WDR70: variants seen among roughly 807,000 people sequenced by gnomAD.
WDR70 encodes WD repeat domain 70, also known as WD repeat-containing protein 70.
WDR70 carries 53 observed loss-of-function variants against 88.6 expected under a neutral mutation model. The ratio of observed to expected loss-of-function variants is 0.60; its 90% confidence interval spans 0.48 to 0.75. The LOEUF is 0.75. WDR70 is among the 30% of genes least tolerant of loss of function. The pLI is 0.00. For missense variants in WDR70, 610 were observed against 823.2 expected, an observed-to-expected ratio of 0.74 and a Z score of 3.17; for synonymous variants, 280 against 270.0, an observed-to-expected ratio of 1.04 and a Z score of -0.36.
chr5:37,610,945 T>C (rs1387351275), intron 10 of WDR70, among the ~76,000 whole-genome samples: 1 of 152,156 alleles, frequency 6.6e-6, no homozygotes, highest in Admixed American at 6.5e-5. Flanking sequence ...CCCAAAACAG[T>C]CTTGAATCTT....
intron 8 of WDR70, among the ~76,000 whole-genome samples, chr5:37,504,143 T>G (rs1487077963): frequency 6.6e-6 from 1 of 152,220 alleles, no homozygotes; most frequent in Non-Finnish European, 1.5e-5. Context: ...TTTTGTCATA[T>G]GATTGATTAG....
chr5:37,427,827 C>T (rs1276806326), intron 5 of WDR70, among the ~76,000 whole-genome samples: 1 of 152,192 alleles, frequency 6.6e-6, no homozygotes, highest in Non-Finnish European at 1.5e-5. Context: ...TGAGATCGTG[C>T]CACTGCACTC....
At chr5:37,720,018 G>A (rs901366796) in intron 13 of WDR70, among the ~76,000 whole-genome samples, 6 of 151,518 alleles carry the variant, frequency 4.0e-5, no homozygotes, top group African/African-American at 1.5e-4. Context: ...GGGAATCAAT[G>A]TTCTATCAAA....
At chr5:37,728,651 G>A (rs1297422795) in intron 17 of WDR70, among the ~76,000 whole-genome samples, 1 of 152,122 alleles carries the variant, frequency 6.6e-6, no homozygotes. Flanking sequence ...CTCAGTGGAT[G>A]TCTTATTACT....
At position 37,516,497 on chromosome 5, in the gene WDR70, T is replaced by C; in HGVS notation, c.841-17T>C. The C allele has an allele frequency of 6.5e-7, 1 of 1,532,902 alleles. No homozygotes were observed. The highest frequency in any genetic ancestry group is 1.7e-5 in the Admixed American group (1 of 57,302). 95.0% of individuals were successfully genotyped at this position (1,532,902 alleles called of 1,614,324 possible). A position where few individuals can be genotyped will look rare whatever the true frequency, so the allele number is the denominator to read the frequency against. ...TTTTTAAAACATCTTTTTTTCCCCT[T>C]TGTCTTTATTTTTAAGGGTCATACA... On this transcript the variant is annotated splice_polypyrimidine_tract_variant and intron_variant, in intron 8 of 17. Coordinates refer to ENST00000265107, the MANE Select transcript of WDR70 (RefSeq NM_018034.4).
intron 8 of WDR70, among the ~76,000 whole-genome samples, chr5:37,484,000 G>C (rs1278501315): frequency 2.0e-5 from 3 of 151,428 alleles, no homozygotes; most frequent in East Asian, 2.0e-4. Context: ...GACGATGGGC[G>C]GCCGGGCAGA....
At chr5:37,672,141 T>C (rs900137140) in intron 10 of WDR70, among the ~76,000 whole-genome samples, 2 of 152,124 alleles carry the variant, frequency 1.3e-5, no homozygotes, top group African/African-American at 4.8e-5. Context: ...GTAAAAGTCA[T>C]TGCCATTCTC....
intron 10 of WDR70, among the ~76,000 whole-genome samples, chr5:37,641,507 C>T (rs903891981): frequency 2.7e-5 from 4 of 148,646 alleles, no homozygotes; most frequent in African/African-American, 7.5e-5. Flanking sequence ...ACCTCTGCCT[C>T]ATGGGTTCAA....
intron 7 of WDR70, among the ~76,000 whole-genome samples, chr5:37,444,495 C>T (rs1381627797): frequency 6.6e-6 from 1 of 151,934 alleles, no homozygotes; most frequent in Non-Finnish European, 1.5e-5. Flanking sequence ...TGTGCACCAC[C>T]ATGCCTGGCT....
At chr5:37,585,325 A>AT (rs1743335918) in intron 9 of WDR70, among the ~76,000 whole-genome samples, 1 of 151,986 alleles carries the variant, frequency 6.6e-6, no homozygotes. Flanking sequence ...TCCACATACA[A>AT]TTTTTTATCT....
At chr5:37,652,454 T>C (rs1429904895) in intron 10 of WDR70, among the ~76,000 whole-genome samples, 2 of 152,224 alleles carry the variant, frequency 1.3e-5, no homozygotes, top group African/African-American at 4.8e-5. Context: ...AAATGTAAAG[T>C]AGTTTTCTCT....
intron 10 of WDR70, among the ~76,000 whole-genome samples, chr5:37,622,740 G>A (rs941925154): frequency 2.0e-4 from 30 of 152,050 alleles, no homozygotes; most frequent in African/African-American, 7.0e-4. Flanking sequence ...GGGGCCTGTT[G>A]TGGGGTGGGG....
rs1017225484 is a variant in WDR70 at position 37,379,364 on chromosome 5, A to G, written c.-4A>G. On this transcript the variant is annotated 5_prime_UTR_variant, in exon 1 of 18. Transcript: ENST00000265107. ...GTGGCTGGTTCTGGGGTGTGCGGCC[A>G]GCCATGGAGCGCTCTGGGCCCAGCG... 1.1e-5 allele frequency: 18 copies of G among 1,613,462 alleles called. No individual in the cohort carries two copies. In the African/African-American group the frequency reaches 2.3e-4, roughly 20 times the overall value.
intron 7 of WDR70, among the ~76,000 whole-genome samples, chr5:37,477,248 A>G (rs12186464): frequency 0.86 from 130,082 of 152,090 alleles, 59,235 homozygotes; most frequent in East Asian, 1. Context: ...AAAGCAAGTC[A>G]ACTGTTGACA....
intron 9 of WDR70, among the ~76,000 whole-genome samples, chr5:37,582,089 T>C (rs1743235235): frequency 7.4e-6 from 1 of 135,878 alleles, no homozygotes; most frequent in Non-Finnish European, 1.7e-5. Flanking sequence ...TTACAGTTTT[T>C]ATTTGTTACA....
intron 7 of WDR70, among the ~76,000 whole-genome samples, chr5:37,446,021 G>A (rs1438985944): frequency 1.3e-5 from 2 of 152,122 alleles, no homozygotes; most frequent in South Asian, 2.1e-4. Context: ...AGATGACATG[G>A]TTGTATATTT....
At chr5:37,714,561 G>A (rs956037470) in intron 13 of WDR70, among the ~76,000 whole-genome samples, 5 of 152,038 alleles carry the variant, frequency 3.3e-5, no homozygotes, top group Admixed American at 3.3e-4. Context: ...AGGCATGAGG[G>A]GCTCCATATC....
chr5:37,534,732 G>A (rs933791019), intron 9 of WDR70, among the ~76,000 whole-genome samples: 1 of 152,116 alleles, frequency 6.6e-6, no homozygotes, highest in Non-Finnish European at 1.5e-5. Context: ...GCCCGCCTCA[G>A]CCTCCCAAAG....
chr5:37,442,267 C>T (rs905951311), intron 6 of WDR70, among the ~76,000 whole-genome samples: 1 of 151,774 alleles, frequency 6.6e-6, no homozygotes, highest in Admixed American at 6.6e-5. Flanking sequence ...AAACTCCCAA[C>T]CTCAGGTGAT....
Sources: allele counts gnomAD v4.1 joint callset (sites outside exome capture counted in the v4.1 genomes callset), GRCh38; gene constraint gnomAD v4.1.1; transcripts MANE v1.5; gene names NCBI Gene and HGNC (gene_info 2026-07-23, HGNC 2026-07-21).